ZNF462: variants seen among roughly 807,000 people sequenced by gnomAD.
ZNF462 encodes the protein zinc finger PBX1-interacting protein.
A neutral mutation model predicts 201.9 loss-of-function variants in ZNF462; 10 were observed. The ratio of observed to expected loss-of-function variants is 0.05; its 90% CI spans 0.03 to 0.08. The LOEUF (loss-of-function observed/expected upper bound fraction) is 0.08, where lower values mean the gene tolerates loss of function less well. Among genes scored for constraint, ZNF462 ranks in the 10% least tolerant of loss-of-function variants. The probability of loss-of-function intolerance (pLI) is 1.00; values close to 1 mark genes in which losing one functional copy is unlikely to be tolerated. For synonymous variants in ZNF462, 1,227 were observed against 1,193.3 expected, an observed-to-expected ratio of 1.03 and a Z score of -0.58; for missense variants, 2,523 against 3,168.3, an observed-to-expected ratio of 0.80 and a Z score of 4.89.
chr9:106,871,731 A>G (rs1827601058), intron 1 of ZNF462, among the ~76,000 whole-genome samples: 1 of 152,214 alleles, frequency 6.6e-6, no homozygotes, highest in African/African-American at 2.4e-5. Flanking sequence ...TGGAAACTCA[A>G]GGGAACTGGT....
At chr9:106,888,935 A>G (rs1249744782) in intron 1 of ZNF462, among the ~76,000 whole-genome samples, 1 of 152,270 alleles carries the variant, frequency 6.6e-6, no homozygotes, top group Non-Finnish European at 1.5e-5. Flanking sequence ...TACAATTTCT[A>G]CACAAAACTG....
rs1408414470 is a variant in ZNF462 at position 106,926,845 on chromosome 9, G to A, written c.2933G>A (p.Arg978Lys). ...EGLNTESQTL[R>K]EILNSAPKNM... Reference sequence around the variant, plus strand: ...CTGAATACAGAATCCCAGACCCTGAGGGAGATTCTGAATTCGGCTCCCAAG... The same window carrying A: ...CTGAATACAGAATCCCAGACCCTGAAGGAGATTCTGAATTCGGCTCCCAAG... The change falls in exon 3 of 13, where the codon AGG (arginine) becomes AAG (lysine). Residue 978 changes from arginine to lysine, a missense_variant. Coordinates refer to ENST00000277225, the MANE Select transcript of ZNF462 (RefSeq NM_021224.6). This position sits in a 1 kb window ranked among gnomAD's most constrained non-coding sequence, Gnocchi z 7.9. 1.9e-6 allele frequency: 3 copies of A among 1,614,062 alleles called. No homozygotes were observed. Among genetic ancestry groups the A allele is most frequent in the East Asian group, 4.5e-5 (2 of 44,884 alleles).
At chr9:106,961,673 G>C (rs1438260302) in intron 7 of ZNF462, among the ~76,000 whole-genome samples, 1 of 152,006 alleles carries the variant, frequency 6.6e-6, no homozygotes, top group East Asian at 1.9e-4. Flanking sequence ...TGAATGGATA[G>C]ATGGATGGAT....
chr9:106,911,960 T>A (rs1335897927), intron 1 of ZNF462, among the ~76,000 whole-genome samples: 5 of 152,210 alleles, frequency 3.3e-5, no homozygotes, highest in Non-Finnish European at 5.9e-5. Context: ...CAGTATATAA[T>A]TTGAAGCGAA....
chr9:106,873,956 C>A (rs1229972640), intron 1 of ZNF462, among the ~76,000 whole-genome samples: 1 of 152,104 alleles, frequency 6.6e-6, no homozygotes, highest in Non-Finnish European at 1.5e-5. Flanking sequence ...TCCAGACAGA[C>A]CCATAATCAA....
rs752297406 is a variant in ZNF462 at position 107,009,575 on chromosome 9, C to T, written c.7220C>T (p.Ala2407Val). 1 of 1,613,998 alleles carries T rather than the reference C, an allele frequency of 6.2e-7. No homozygotes were observed. The highest frequency in any genetic ancestry group is 1.1e-5 in the South Asian group (1 of 91,074). The change falls in exon 12 of 13, where the codon GCT (alanine) becomes GTT (valine). Residue 2407 changes from alanine to valine, a missense_variant. Ala to Val is a moderately conservative substitution (Grantham distance 64). Transcript: ENST00000277225. The surrounding 1 kb of genome is among the most constrained non-coding windows in gnomAD (Gnocchi z 6.1). ...ATGAGATTTTCTGACCACGGGGCTG[C>T]TCTTAACACTGAGAAGCGTTTTCCA... ...ELMRFSDHGA[A>V]LNTEKRFPCE...
In ZNF462 at chr9:107,010,451, C is replaced by A. The variant is rs1431504495; in HGVS notation, c.7314-372C>A. On this transcript the variant is annotated intron_variant, in intron 12 of 12. Transcript: ENST00000277225. This position sits in a 1 kb window ranked among gnomAD's most constrained non-coding sequence, Gnocchi z 4.6. ...ATAAATATAACCAATCTCCAAGCTT[C>A]TGGGTTCAGCCGATGACTCTGAGCA... Among the ~76,000 whole-genome samples, 2 of 152,158 alleles carry A rather than the reference C, an allele frequency of 1.3e-5. No individual in the cohort carries two copies. Among genetic ancestry groups the A allele is most frequent in the African/African-American group, 4.8e-5 (2 of 41,440 alleles).
Position 106,928,340 on chromosome 9 carries a change from A to G in ZNF462, c.4428A>G (p.Gln1476=), listed in dbSNP as rs764777685. 5 of 1,614,042 alleles carry G rather than the reference A, an allele frequency of 3.1e-6. No individual in the cohort carries two copies. In the East Asian group the frequency reaches 6.7e-5, roughly 22 times the overall value. ...CCCCATACCAGTGCACGGTATGCCA[A>G]TCTGAGTATAACAACTTGCACGGCC... ...SSTPYQCTVC[Q]SEYNNLHGLL... Residue 1476 remains glutamine, a synonymous_variant, in exon 3 of 13, where the codon CAA becomes CAG. Transcript: ENST00000277225. This position sits in a 1 kb window ranked among gnomAD's most constrained non-coding sequence, Gnocchi z 9.3.
At chr9:106,871,641 T>C (rs563655260) in intron 1 of ZNF462, among the ~76,000 whole-genome samples, 3 of 152,304 alleles carry the variant, frequency 2.0e-5, no homozygotes, top group African/African-American at 7.2e-5. Context: ...CAGTTCCTAT[T>C]GTAAAAAATA....
Position 107,010,986 on chromosome 9 carries a change from G to A in ZNF462, c.7477G>A (p.Ala2493Thr), listed in dbSNP as rs754763964. The A allele has an allele frequency of 1.9e-6, 3 of 1,613,576 alleles. No individual in the cohort carries two copies. The African/African-American group carries it at 4.0e-5, about 22-fold the overall frequency. ...NETVAICVVT[A>T]DKSLLENAEA... ...AACAGTAGCCATCTGTGTAGTAACT[G>A]CCGACAAATCTCTCCTGGAGAATGC... The change falls in exon 13 of 13, where the codon GCC (alanine) becomes ACC (threonine). Residue 2493 changes from alanine to threonine, a missense_variant. This residue lies in a region of ZNF462 where 67 missense variants were observed against 63.2 expected (regional missense o/e 1.06). Coordinates refer to ENST00000277225, the MANE Select transcript of ZNF462 (RefSeq NM_021224.6). The surrounding 1 kb of genome is among the most constrained non-coding windows in gnomAD (Gnocchi z 4.6).
At chr9:106,957,304 G>A (rs1564131612) in intron 7 of ZNF462, among the ~76,000 whole-genome samples, 1 of 152,120 alleles carries the variant, frequency 6.6e-6, no homozygotes, top group Non-Finnish European at 1.5e-5. Flanking sequence ...CTGGTCGGTA[G>A]AGCAGTCAGA....
chr9:106,972,779 T>C lies in ZNF462; in HGVS notation c.6695+507T>C, dbSNP rs151295843. 2.6e-3 allele frequency among the ~76,000 whole-genome samples: 397 copies of C among 152,274 alleles called. 2 individuals are homozygous for C. Among genetic ancestry groups the C allele is most frequent in the African/African-American group, 9.0e-3 (372 of 41,546 alleles). ...TTCCAACACTACACTTGAGCAATCA[T>C]AGGGAGATTGCTCCAGTCTAGAAAA... On this transcript the variant is annotated intron_variant, in intron 8 of 12. Coordinates refer to ENST00000277225, the MANE Select transcript of ZNF462 (RefSeq NM_021224.6). The surrounding 1 kb of genome is among the most constrained non-coding windows in gnomAD (Gnocchi z 4.8).
chr9:106,863,705 TG>T (rs942016605), intron 1 of ZNF462, among the ~76,000 whole-genome samples: 49 of 151,504 alleles, frequency 3.2e-4, no homozygotes, highest in Non-Finnish European at 6.8e-4. Context: ...GTGAGCGCGG[TG>T]GCTTAATTAA....
In ZNF462 at chr9:106,885,466, G is replaced by A. The variant is rs868371286; in HGVS notation, c.-31+22111G>A. 5.1e-4 allele frequency among the ~76,000 whole-genome samples: 78 copies of A among 152,292 alleles called. No homozygotes were observed. The highest frequency in any genetic ancestry group is 1.7e-3 in the African/African-American group (71 of 41,556). On this transcript the variant is annotated intron_variant, in intron 1 of 12. Coordinates refer to ENST00000277225, the MANE Select transcript of ZNF462 (RefSeq NM_021224.6). The surrounding 1 kb of genome is among the most constrained non-coding windows in gnomAD (Gnocchi z 4.1). ...ACCTGTGGTTCTTGGTTGTGTCCTT[G>A]CCATGCTTAGAAGGTTCAAGAAAGG... is the stretch of plus-strand genomic sequence containing the variant.
In ZNF462 at chr9:107,011,233, C is replaced by G. The variant is rs1472790844; in HGVS notation, c.*203C>G. 9.1e-6 allele frequency: 5 copies of G among 552,440 alleles called. No homozygotes were observed. Among genetic ancestry groups the G allele is most frequent in the Non-Finnish European group, 1.6e-5 (5 of 309,862 alleles). 34.2% of individuals were successfully genotyped at this position (552,440 alleles called of 1,614,324 possible). On this transcript the variant is annotated 3_prime_UTR_variant, in exon 13 of 13. Coordinates refer to ENST00000277225, the MANE Select transcript of ZNF462 (RefSeq NM_021224.6). This position sits in a 1 kb window ranked among gnomAD's most constrained non-coding sequence, Gnocchi z 5.6. Reference sequence around the variant, plus strand: ...TTATTTAAATGGTTGGAATATGTGGCTCCTTTTCCATCACTACATCTTTTC... The same window carrying G: ...TTATTTAAATGGTTGGAATATGTGGGTCCTTTTCCATCACTACATCTTTTC...
chr9:106,945,850 GATTAA>G (rs1391820414), intron 7 of ZNF462, among the ~76,000 whole-genome samples: 1 of 152,152 alleles, frequency 6.6e-6, no homozygotes, highest in African/African-American at 2.4e-5. Context: ...AATCTACAGG[GATTAA>G]ATGTTAAGAC....
intron 1 of ZNF462, among the ~76,000 whole-genome samples, chr9:106,891,421 A>G (rs1010531859): frequency 1.3e-5 from 2 of 152,174 alleles, no homozygotes; most frequent in Non-Finnish European, 2.9e-5. Flanking sequence ...GGAGACATAC[A>G]ATAGGCTGCC....
At chr9:106,969,603 AG>A (rs1826482663) in intron 7 of ZNF462, among the ~76,000 whole-genome samples, 1 of 152,100 alleles carries the variant, frequency 6.6e-6, no homozygotes, top group African/African-American at 2.4e-5. Flanking sequence ...TAGTTTTGCT[AG>A]AAAGGGACTG....
rs146639350 is a variant in ZNF462, at chr9:106,928,173, G to A, written c.4261G>A (p.Glu1421Lys). 8.4e-5 allele frequency: 136 copies of A among 1,614,046 alleles called. No homozygotes were observed. Among genetic ancestry groups the A allele is most frequent in the Admixed American group, 5.0e-5 (3 of 60,012 alleles). ...TGTGGAGAAGCCCATTCTTTCATCCGAAGAGTTGGCAGGCCCTGTGAATTG... is the reference window on the plus strand; with the variant it reads ...TGTGGAGAAGCCCATTCTTTCATCCAAAGAGTTGGCAGGCCCTGTGAATTG... Reference protein sequence around the residue: ...DAVEKPILSSEELAGPVNCEN... With the variant: ...DAVEKPILSSKELAGPVNCEN... The change falls in exon 3 of 13, where the codon GAA becomes AAA. Residue 1421 changes from glutamate (E) to lysine (K), a missense_variant. Glu to Lys is a moderately conservative substitution (Grantham distance 56). Transcript: ENST00000277225. This position sits in a 1 kb window ranked among gnomAD's most constrained non-coding sequence, Gnocchi z 9.3.
Sources: allele counts gnomAD v4.1 joint callset (sites outside exome capture counted in the v4.1 genomes callset), GRCh38; gene constraint gnomAD v4.1.1; regional missense constraint gnomAD v4.1.1; non-coding constraint Gnocchi (gnomAD v3.1); transcripts MANE v1.5; gene names NCBI Gene and HGNC (gene_info 2026-07-23, HGNC 2026-07-21).